The following CADM2 variants were observed in gnomAD, a reference collection of about 807,000 sequenced individuals.
CADM2 encodes the protein cell adhesion molecule 2, also known as immunoglobulin superfamily member 4D.
CADM2 carries 12 observed loss-of-function variants against 49.8 expected under a neutral mutation model. The ratio of observed to expected loss-of-function variants is 0.24; its 90% CI spans 0.15 to 0.39. The LOEUF (loss-of-function observed/expected upper bound fraction) is 0.39. CADM2 is among the 10% of genes least tolerant of loss of function. The probability of loss-of-function intolerance (pLI) is 1.00; values close to 1 mark genes in which losing one functional copy is unlikely to be tolerated. For missense variants in CADM2, 378 were observed against 492.3 expected, an observed-to-expected ratio of 0.77 and a Z score of 2.20; for synonymous variants, 214 against 175.4, an observed-to-expected ratio of 1.22 and a Z score of -1.74.
intron 1 of CADM2, among the ~76,000 whole-genome samples, chr3:84,971,158 C>T (rs1306586078): frequency 6.6e-6 from 1 of 151,984 alleles, no homozygotes; most frequent in East Asian, 1.9e-4. Context: ...ACACCTTTAC[C>T]TGTTACTTTA....
intron 7 of CADM2, among the ~76,000 whole-genome samples, chr3:85,949,315 T>C (rs1286004218): frequency 6.6e-6 from 1 of 151,442 alleles, no homozygotes; most frequent in Non-Finnish European, 1.5e-5. Flanking sequence ...TGTGTTTACA[T>C]AGTATGTATG....
intron 1 of CADM2, among the ~76,000 whole-genome samples, chr3:85,248,455 T>A (rs1368658445): frequency 6.6e-6 from 1 of 152,144 alleles, no homozygotes; most frequent in African/African-American, 2.4e-5. Context: ...GTTGTATTTT[T>A]ACTAAAGAAG....
rs1739731203 is a variant in CADM2, at chr3:86,070,158, A to G, written c.*3375A>G. The G allele has an allele frequency of 1.3e-5, 2 of 152,034 alleles. No individual in the cohort carries two copies. The highest frequency in any genetic ancestry group is 4.8e-5 in the African/African-American group (2 of 41,448). The allele number at this position is 152,034 out of a possible 1,614,324, so 9.4% of individuals were successfully genotyped here. A position where few individuals can be genotyped will look rare whatever the true frequency, so the allele number is the denominator to read the frequency against. On this transcript the variant is annotated 3_prime_UTR_variant, in exon 10 of 10. Transcript: ENST00000383699. ...TTCATTGAAACTCCACAATTAAAAT[A>G]ACAAATAGAGAAAGAAAACTAACTT...
intron 1 of CADM2, among the ~76,000 whole-genome samples, chr3:85,560,459 T>C (rs1223545677): frequency 1.3e-5 from 2 of 152,178 alleles, no homozygotes; most frequent in Non-Finnish European, 2.9e-5. Flanking sequence ...ATTCAGGCGC[T>C]TGGCTTATTT....
intron 1 of CADM2, among the ~76,000 whole-genome samples, chr3:85,419,569 A>G (rs914792961): frequency 2.6e-5 from 4 of 152,128 alleles, no homozygotes; most frequent in Admixed American, 6.6e-5. Flanking sequence ...TTGTTTTTGT[A>G]TATTTGAAGC....
At chr3:85,613,466 G>A (rs556411574) in intron 1 of CADM2, among the ~76,000 whole-genome samples, 5 of 151,628 alleles carry the variant, frequency 3.3e-5, no homozygotes, top group African/African-American at 4.8e-5. Flanking sequence ...CAAAACCACA[G>A]CATCCAGGTT....
At chr3:85,986,069 A>G (rs1331847483) in intron 8 of CADM2, among the ~76,000 whole-genome samples, 1 of 152,040 alleles carries the variant, frequency 6.6e-6, no homozygotes, top group African/African-American at 2.4e-5. Flanking sequence ...TGAAGCATTT[A>G]TTTAATTAAA....
chr3:85,295,042 C>T (rs546405005), intron 1 of CADM2, among the ~76,000 whole-genome samples: 2 of 152,108 alleles, frequency 1.3e-5, no homozygotes, highest in African/African-American at 4.8e-5. Flanking sequence ...ACCTACTCAT[C>T]TGACAAAGGG....
At chr3:85,039,280 A>G (rs756299674) in intron 1 of CADM2, among the ~76,000 whole-genome samples, 26 of 152,100 alleles carry the variant, frequency 1.7e-4, no homozygotes, top group Admixed American at 2.6e-4. Context: ...AGCCCCAACC[A>G]TACCTGGCTG....
At chr3:85,697,105 T>TATATATGCC (rs2066589742) in intron 1 of CADM2, among the ~76,000 whole-genome samples, 1 of 135,076 alleles carries the variant, frequency 7.4e-6, no homozygotes. Context: ...ATGCCATATA[T>TATATATGCC]ATATATGGCA....
chr3:85,716,798 A>T lies in CADM2; in HGVS notation c.62-9724A>T, dbSNP rs926276090. On this transcript the variant is annotated intron_variant, in intron 1 of 9. Transcript: ENST00000383699. ...TTTTTGTCAGGTTTTCAAAGATCAG[A>T]TGGTTATAGATGCATGGTGCAATTT... Among the ~76,000 whole-genome samples, 4 of 152,038 alleles carry T rather than the reference A, an allele frequency of 2.6e-5. No individual in the cohort carries two copies. In the East Asian group the frequency reaches 7.7e-4, roughly 29 times the overall value.
chr3:84,985,804 G>T (rs762006036), intron 1 of CADM2, among the ~76,000 whole-genome samples: 2 of 152,142 alleles, frequency 1.3e-5, no homozygotes, highest in Non-Finnish European at 2.9e-5. Flanking sequence ...ATGTACTTCA[G>T]TTAATGCATC....
chr3:85,658,457 T>A (rs2065276179), intron 1 of CADM2, among the ~76,000 whole-genome samples: 1 of 151,532 alleles, frequency 6.6e-6, no homozygotes, highest in Non-Finnish European at 1.5e-5. Flanking sequence ...TACTACTTTG[T>A]TATGGCAGCC....
At chr3:85,384,662 T>C (rs974627251) in intron 1 of CADM2, among the ~76,000 whole-genome samples, 2 of 147,426 alleles carry the variant, frequency 1.4e-5, no homozygotes, top group Non-Finnish European at 3.0e-5. Context: ...TAATATTTTG[T>C]CAAAAAAAAT....
chr3:85,323,656 A>T (rs1378167715), intron 1 of CADM2, among the ~76,000 whole-genome samples: 2 of 152,110 alleles, frequency 1.3e-5, no homozygotes, highest in African/African-American at 4.8e-5. Context: ...TGGATCCCAT[A>T]CTCACCACCA....
intron 1 of CADM2, among the ~76,000 whole-genome samples, chr3:85,316,361 A>C (rs775770307): frequency 2.0e-5 from 3 of 152,216 alleles, no homozygotes; most frequent in Non-Finnish European, 4.4e-5. Context: ...AAGCAGAATC[A>C]CAGGTTAGCT....
intron 1 of CADM2, among the ~76,000 whole-genome samples, chr3:85,595,076 C>G (rs1384821155): frequency 6.6e-6 from 1 of 152,026 alleles, no homozygotes; most frequent in Admixed American, 6.6e-5. Context: ...TCCCAAGGAT[C>G]TCCAAGCCCT....
chr3:85,783,430 T>G (rs2070778415), intron 2 of CADM2, among the ~76,000 whole-genome samples: 2 of 152,144 alleles, frequency 1.3e-5, no homozygotes, highest in Non-Finnish European at 2.9e-5. Flanking sequence ...CATTTGCTCC[T>G]GGGAGGAGAT....
At chr3:85,919,145 A>G (rs577350884) in intron 6 of CADM2, among the ~76,000 whole-genome samples, 1 of 152,088 alleles carries the variant, frequency 6.6e-6, no homozygotes, top group African/African-American at 2.4e-5. Flanking sequence ...TTCAAATTTT[A>G]AAAAATGTGT....
Sources: gnomAD v4.1 joint callset for allele counts (sites outside exome capture counted in the v4.1 genomes callset) on GRCh38, gnomAD v4.1.1 for gene constraint, MANE v1.5 for transcripts, NCBI Gene and HGNC (gene_info 2026-07-23, HGNC 2026-07-21) for gene names.